UBAP2: variants seen among roughly 807,000 people sequenced by gnomAD.
UBAP2 encodes the protein ubiquitin-associated protein 2.
UBAP2 carries 75 observed loss-of-function variants against 139.6 expected under a neutral mutation model. The observed-to-expected ratio is 0.54, with a 90% CI of 0.45 to 0.65. The LOEUF (loss-of-function observed/expected upper bound fraction) is 0.65, where lower values mean the gene tolerates loss of function less well. Ranked by LOEUF, UBAP2 falls within the 30% of genes least tolerant of loss-of-function variation. The pLI is 0.00. For missense variants in UBAP2, 1,368 were observed against 1,369.6 expected (o/e 1.00, Z 0.02); for synonymous variants, 526 against 526.2 (o/e 1.00, Z 0.01).
chr9:33,941,915 T>TA (rs33950531), intron 15 of UBAP2, 53 bp from the exon 16 acceptor site: 185,148 of 957,050 alleles, frequency 0.19, 1,296 homozygotes, highest in East Asian at 0.26. Flanking sequence ...AATAGCTTCA[T>TA]AAAAAAAAAA....
chr9:34,014,628 C>T (rs1386169841), intron 2 of UBAP2, among the ~76,000 whole-genome samples: 1 of 151,400 alleles, frequency 6.6e-6, no homozygotes, highest in Non-Finnish European at 1.5e-5. Flanking sequence ...GACTCCATCT[C>T]GAAGAAACAA....
At chr9:34,001,530 G>T (rs776387479) in intron 2 of UBAP2, among the ~76,000 whole-genome samples, 1 of 152,316 alleles carries the variant, frequency 6.6e-6, no homozygotes, top group Non-Finnish European at 1.5e-5. Flanking sequence ...GCATGTCATT[G>T]TGGCAGCTGG....
chr9:33,988,262 A>C (rs1340072015), intron 5 of UBAP2, among the ~76,000 whole-genome samples: 1 of 152,196 alleles, frequency 6.6e-6, no homozygotes, highest in Non-Finnish European at 1.5e-5. Context: ...TATGCCTATA[A>C]AAGTATCCAC....
chr9:34,041,514 T>A (rs891135160), intron 1 of UBAP2, among the ~76,000 whole-genome samples: 8 of 137,794 alleles, frequency 5.8e-5, no homozygotes, highest in African/African-American at 2.2e-4. Flanking sequence ...CTGGCCAACA[T>A]GGTGAAACCC....
intron 8 of UBAP2, among the ~76,000 whole-genome samples, chr9:33,966,046 TC>T (rs1388493094): frequency 6.7e-6 from 1 of 150,086 alleles, no homozygotes; most frequent in African/African-American, 2.4e-5. Flanking sequence ...CGAGACTCCA[TC>T]TCAAAAAAAT....
intron 1 of UBAP2, among the ~76,000 whole-genome samples, chr9:34,017,790 G>C (rs1341714248): frequency 1.3e-5 from 2 of 152,184 alleles, no homozygotes; most frequent in East Asian, 3.9e-4. Context: ...AGCCGGGCAT[G>C]GTGGCAGGCA....
chr9:33,996,584 A>G (rs1350987570), intron 3 of UBAP2: 2 of 433,438 alleles, frequency 4.6e-6, no homozygotes, highest in African/African-American at 2.0e-5. Flanking sequence ...CAGATCATTA[A>G]TCAGCAGCAC....
Position 33,944,305 on chromosome 9 carries a change from A to G in UBAP2, c.1545+60T>C, listed in dbSNP as rs184048081. 6.0e-4 allele frequency: 959 copies of G among 1,587,938 alleles called. 3 individuals are homozygous for G. The highest frequency in any genetic ancestry group is 7.7e-4 in the Non-Finnish European group (899 of 1,164,086). ...AGTTTCCAAAACTTAGTATCCCACT[A>G]GAGCTGAATGTAAAAATAATTCCAG... On this transcript the variant is annotated intron_variant, in intron 14 of 28. Coordinates refer to ENST00000379238, the MANE Select transcript of UBAP2 (RefSeq NM_001370062.2).
chr9:34,024,133 T>C (rs1394166659), intron 1 of UBAP2, among the ~76,000 whole-genome samples: 1 of 152,026 alleles, frequency 6.6e-6, no homozygotes, highest in Non-Finnish European at 1.5e-5. Flanking sequence ...CCGAGCCGGC[T>C]GGATCACCTG....
rs1306348135 is a variant in UBAP2 at position 33,996,189 on chromosome 9, A to G, written c.288+34T>C. On this transcript the variant is annotated intron_variant, in intron 4 of 28. Transcript: ENST00000379238. ...AAATGTGCTACGGAATTGGAGACAAATGTAAACAATGCAAATCAATTAATA... is the reference window on the plus strand; with the variant it reads ...AAATGTGCTACGGAATTGGAGACAAGTGTAAACAATGCAAATCAATTAATA... 4 of 1,527,966 alleles carry G rather than the reference A, an allele frequency of 2.6e-6. No individual in the cohort carries two copies. In the South Asian group the frequency reaches 4.5e-5, roughly 17 times the overall value. The allele number at this position is 1,527,966 out of a possible 1,614,324, so 94.7% of individuals were successfully genotyped here.
intron 11 of UBAP2, 80 bp from the exon 12 acceptor site, chr9:33,953,554 T>A: frequency 7.3e-7 from 1 of 1,378,882 alleles, no homozygotes; most frequent in Non-Finnish European, 9.9e-7. Flanking sequence ...AATCAATATA[T>A]AGTGAATTTA....
At chr9:33,940,369 C>A (rs1262354550) in intron 16 of UBAP2, among the ~76,000 whole-genome samples, 1 of 152,132 alleles carries the variant, frequency 6.6e-6, no homozygotes, top group African/African-American at 2.4e-5. Flanking sequence ...AGTTCCAGCA[C>A]TGTTAATAAA....
At chr9:34,001,102 A>T (rs770465364) in intron 2 of UBAP2, among the ~76,000 whole-genome samples, 31 of 152,346 alleles carry the variant, frequency 2.0e-4, no homozygotes, top group Non-Finnish European at 4.0e-4. Context: ...AGTAAAAGGG[A>T]AAAGCAAAGG....
intron 13 of UBAP2, among the ~76,000 whole-genome samples, chr9:33,945,389 C>G (rs923333032): frequency 6.6e-6 from 1 of 152,014 alleles, no homozygotes; most frequent in African/African-American, 2.4e-5. Context: ...GTCCCAGCTA[C>G]TCGGGAGGCT....
In UBAP2 at chr9:33,922,850, C is replaced by G. The variant is rs1310919643; in HGVS notation, c.3101G>C (p.Gly1034Ala). 6.3e-7 allele frequency: 1 copy of G among 1,586,000 alleles called. No homozygotes were observed. The highest frequency in any genetic ancestry group is 1.7e-5 in the Admixed American group (1 of 57,850). Residue 1034 changes from glycine (G) to alanine (A), a missense_variant, in exon 28 of 29, where the codon GGG becomes GCG. Transcript: ENST00000379238. ...QTFDKQGFHA[G>A]TPPPFSLPSV... ...GGGCAGGCTGAAAGGTGGAGGCGTC[C>G]CTGCATGAAATCCCTGCTTGTCAAA...
intron 8 of UBAP2, among the ~76,000 whole-genome samples, chr9:33,969,392 T>C (rs1220685696): frequency 1.3e-5 from 2 of 151,854 alleles, no homozygotes; most frequent in Non-Finnish European, 2.9e-5. Context: ...ACAAAAAACT[T>C]TAAAATTCAC....
chr9:33,962,680 A>AAT (rs1554683930), intron 9 of UBAP2, among the ~76,000 whole-genome samples: 19,331 of 144,796 alleles, frequency 0.13, 1,555 homozygotes, highest in East Asian at 0.3. Flanking sequence ...AAATAAATAA[A>AAT]TAATTAAAAA....
At chr9:33,927,323 C>G (rs2130862753) in intron 20 of UBAP2, among the ~76,000 whole-genome samples, 1 of 152,250 alleles carries the variant, frequency 6.6e-6, no homozygotes, top group Non-Finnish European at 1.5e-5. Context: ...GCCCCTTTCC[C>G]CCAGTCCCTA....
chr9:34,003,843 T>C (rs1822944298), intron 2 of UBAP2, among the ~76,000 whole-genome samples: 1 of 152,122 alleles, frequency 6.6e-6, no homozygotes, highest in South Asian at 2.1e-4. Flanking sequence ...TCTCAGCCTC[T>C]TGAGTAGCTG....
Sources: gnomAD v4.1 joint callset for allele counts (sites outside exome capture counted in the v4.1 genomes callset) on GRCh38, gnomAD v4.1.1 for gene constraint, MANE v1.5 for transcripts, NCBI Gene and HGNC (gene_info 2026-07-23, HGNC 2026-07-21) for gene names.